The following FOXP1 variants were observed in gnomAD, a reference collection of about 807,000 sequenced individuals.
FOXP1 encodes forkhead box protein P1.
A neutral mutation model predicts 98.2 loss-of-function variants in FOXP1; 15 were observed. The ratio of observed to expected loss-of-function variants is 0.15; its 90% CI spans 0.10 to 0.24. FOXP1 has a LOEUF of 0.24. Ranked by LOEUF, FOXP1 falls within the 10% of genes least tolerant of loss-of-function variation. The probability of loss-of-function intolerance (pLI) is 1.00; values close to 1 mark genes in which losing one functional copy is unlikely to be tolerated. For synonymous variants in FOXP1, 371 were observed against 314.5 expected (o/e 1.18, Z -1.90); for missense variants, 633 against 848.5 (o/e 0.75, Z 3.15).
chr3:71,262,050 G>A (rs549148003), intron 5 of FOXP1, among the ~76,000 whole-genome samples: 87 of 151,816 alleles, frequency 5.7e-4, no homozygotes, highest in South Asian at 2.3e-3. Flanking sequence ...GCGGGATCAC[G>A]AGGTCAGGAG....
intron 3 of FOXP1, among the ~76,000 whole-genome samples, chr3:71,407,758 A>T (rs1052553337): frequency 6.6e-6 from 1 of 151,610 alleles, no homozygotes. Context: ...GCACAAAAAT[A>T]GGGACCAAAA....
rs74905909 is a variant in FOXP1 at position 71,083,492 on chromosome 3, C to T, written c.282+29044G>A. On this transcript the variant is annotated intron_variant, in intron 7 of 20. Coordinates refer to ENST00000649528, the MANE Select transcript of FOXP1 (RefSeq NM_001349338.3). ...ACTTACCAATCAGCACATCTCCTCC[C>T]TTCTCCACAGTGACTGGTTCATGTA... is the stretch of plus-strand genomic sequence containing the variant. Among the ~76,000 whole-genome samples the T allele has an allele frequency of 2.0e-5, 3 of 152,210 alleles. No homozygotes were observed. The South Asian group carries it at 6.2e-4, about 32-fold the overall frequency.
intron 3 of FOXP1, among the ~76,000 whole-genome samples, chr3:71,361,414 C>T (rs1298647625): frequency 1.3e-5 from 2 of 152,198 alleles, no homozygotes; most frequent in Non-Finnish European, 2.9e-5. Context: ...CGGCAGATCA[C>T]AGCCCCACGT....
At position 71,519,631 on chromosome 3, in the gene FOXP1, C is replaced by A. The variant is rs114577650; in HGVS notation, c.-297-26076G>T. ...TTTATATTTACCTAAGTTGGGGTCA[C>A]TTTATTTCTATTCCTTGCCCCCATG... On this transcript the variant is annotated intron_variant, in intron 2 of 20. Transcript: ENST00000649528. 9.0e-3 allele frequency among the ~76,000 whole-genome samples: 1,367 copies of A among 152,332 alleles called. 17 individuals carry two copies. The highest frequency in any genetic ancestry group is 0.031 in the African/African-American group (1,281 of 41,580).
chr3:71,067,023 C>A (rs78558017), intron 7 of FOXP1, among the ~76,000 whole-genome samples: 4,941 of 152,140 alleles, frequency 0.032, 128 homozygotes, highest in East Asian at 0.084. Flanking sequence ...CATGGGACCA[C>A]AAAGAAGGAG....
At chr3:71,282,482 G>A (rs984512238) in intron 5 of FOXP1, among the ~76,000 whole-genome samples, 3 of 152,044 alleles carry the variant, frequency 2.0e-5, no homozygotes, top group Admixed American at 2.0e-4. Flanking sequence ...AATTACTGGT[G>A]TTGTGGAGCC....
intron 4 of FOXP1, among the ~76,000 whole-genome samples, chr3:71,305,359 C>T (rs1043873222): frequency 1.3e-5 from 2 of 152,192 alleles, no homozygotes; most frequent in Non-Finnish European, 2.9e-5. Context: ...ATTTCCTTCC[C>T]TCCCGACCGC....
At chr3:71,496,938 G>A (rs915064595) in intron 2 of FOXP1, among the ~76,000 whole-genome samples, 1 of 151,254 alleles carries the variant, frequency 6.6e-6, no homozygotes, top group East Asian at 1.9e-4. Flanking sequence ...AATAAAGGGT[G>A]AATCACCACT....
chr3:71,313,561 T>G (rs1019006331), intron 4 of FOXP1, among the ~76,000 whole-genome samples: 1 of 151,526 alleles, frequency 6.6e-6, no homozygotes, highest in Non-Finnish European at 1.5e-5. Flanking sequence ...AGTCTCGCAC[T>G]CTCGCCCAGG....
At chr3:71,485,996 T>C (rs940564518) in intron 3 of FOXP1, among the ~76,000 whole-genome samples, 2 of 152,140 alleles carry the variant, frequency 1.3e-5, no homozygotes, top group East Asian at 3.8e-4. Flanking sequence ...CAAAGACAAG[T>C]ATAAACTACA....
intron 6 of FOXP1, among the ~76,000 whole-genome samples, chr3:71,134,617 T>C (rs910793453): frequency 2.6e-5 from 4 of 152,184 alleles, no homozygotes; most frequent in African/African-American, 9.7e-5. Flanking sequence ...AAGGTTAAGC[T>C]GGGCAATTAA....
chr3:71,506,823 C>T (rs145341371), intron 2 of FOXP1, among the ~76,000 whole-genome samples: 5 of 152,352 alleles, frequency 3.3e-5, no homozygotes, highest in East Asian at 1.9e-4. Flanking sequence ...CAGCTCCCAA[C>T]GTTGCCATAG....
At chr3:71,277,570 A>G (rs2071046160) in intron 5 of FOXP1, among the ~76,000 whole-genome samples, 1 of 152,124 alleles carries the variant, frequency 6.6e-6, no homozygotes, top group African/African-American at 2.4e-5. Context: ...CAGTCTGATG[A>G]CTGCAGCCTC....
chr3:71,173,656 T>C (rs1036829231), intron 6 of FOXP1, among the ~76,000 whole-genome samples: 2 of 152,170 alleles, frequency 1.3e-5, no homozygotes, highest in Non-Finnish European at 2.9e-5. Context: ...ATGAAGACTA[T>C]GAATATCTAG....
At chr3:71,221,013 C>A (rs1199579061) in intron 5 of FOXP1, among the ~76,000 whole-genome samples, 1 of 151,568 alleles carries the variant, frequency 6.6e-6, no homozygotes, top group Non-Finnish European at 1.5e-5. Flanking sequence ...ATATGAGCAT[C>A]AAACTCATCC....
intron 13 of FOXP1, among the ~76,000 whole-genome samples, chr3:70,991,507 G>A (rs999446233): frequency 1.3e-5 from 2 of 152,116 alleles, no homozygotes; most frequent in African/African-American, 4.8e-5. Flanking sequence ...AGAGAAAAGG[G>A]AACACGGTTT....
intron 2 of FOXP1, among the ~76,000 whole-genome samples, chr3:71,565,985 G>A (rs1384385400): frequency 6.6e-6 from 1 of 152,164 alleles, no homozygotes; most frequent in Non-Finnish European, 1.5e-5. Context: ...AATGAACACA[G>A]ATCCATGTGT....
At chr3:71,075,047 G>C (rs755828849) in intron 7 of FOXP1, among the ~76,000 whole-genome samples, 2 of 152,230 alleles carry the variant, frequency 1.3e-5, no homozygotes, top group Admixed American at 1.3e-4. Flanking sequence ...GTAATACACA[G>C]TGTCTCAGAT....
At chr3:71,101,892 A>G (rs1367400674) in intron 7 of FOXP1, among the ~76,000 whole-genome samples, 3 of 152,278 alleles carry the variant, frequency 2.0e-5, no homozygotes, top group African/African-American at 7.2e-5. Flanking sequence ...CTTCAATGGG[A>G]CATAATGTAA....
Sources: allele counts gnomAD v4.1 joint callset (sites outside exome capture counted in the v4.1 genomes callset), GRCh38; gene constraint gnomAD v4.1.1; transcripts MANE v1.5; gene names NCBI Gene and HGNC (gene_info 2026-07-23, HGNC 2026-07-21).